The following VIL1 variants were observed in gnomAD, a reference collection of about 807,000 sequenced individuals.
The protein encoded by VIL1 is villin-1.
A neutral mutation model predicts 104.0 loss-of-function variants in VIL1; 86 were observed. The ratio of observed to expected loss-of-function variants is 0.83; its 90% CI spans 0.69 to 0.99. VIL1 has a LOEUF of 0.99. VIL1 is among the 50% of genes least tolerant of loss of function. The probability of loss-of-function intolerance (pLI) is 0.00; values close to 1 mark genes in which losing one functional copy is unlikely to be tolerated. For missense variants in VIL1, 944 were observed against 1,054.1 expected, an observed-to-expected ratio of 0.90 and a Z score of 1.45; for synonymous variants, 394 against 412.6, an observed-to-expected ratio of 0.95 and a Z score of 0.55.
intron 19 of VIL1, among the ~76,000 whole-genome samples, chr2:218,448,718 G>T (rs1230638281): frequency 6.6e-6 from 1 of 151,426 alleles, no homozygotes; most frequent in Non-Finnish European, 1.5e-5. Context: ...AAAATTCAGG[G>T]ATCAGGCCAG....
In VIL1 at chr2:218,432,942, G is replaced by T. The variant is rs1419226342; in HGVS notation, c.1491G>T (p.Val497=). The change falls in exon 13 of 20, where the codon GTG becomes GTT. Residue 497 remains valine, a synonymous_variant. Transcript: ENST00000248444. ...HLMSIFKGRM[V]VYQGGTSRTN... Reference sequence around the variant, plus strand: ...TGTCCATCTTCAAGGGACGCATGGTGGTCTACCAGGTGTGGCTGCTGAACT... The same window carrying T: ...TGTCCATCTTCAAGGGACGCATGGTTGTCTACCAGGTGTGGCTGCTGAACT... 6.2e-7 allele frequency: 1 copy of T among 1,614,178 alleles called. No individual in the cohort carries two copies. Among genetic ancestry groups the T allele is most frequent in the Non-Finnish European group, 8.5e-7 (1 of 1,180,038 alleles).
rs970239135 is a variant in VIL1 at position 218,449,213 on chromosome 2, C to G, written c.2371-10C>G. Reference sequence around the variant, plus strand: ...GTGACCTTTGCCCTCTGGTCCCTCTCTTCTTCTAGGAACACCTGTCCATTG... The same window carrying G: ...GTGACCTTTGCCCTCTGGTCCCTCTGTTCTTCTAGGAACACCTGTCCATTG... On this transcript the variant is annotated splice_polypyrimidine_tract_variant and intron_variant, in intron 19 of 19. Transcript: ENST00000248444. The G allele has an allele frequency of 6.2e-7, 1 of 1,608,704 alleles. No individual in the cohort carries two copies. Among genetic ancestry groups the G allele is most frequent in the Non-Finnish European group, 8.5e-7 (1 of 1,175,164 alleles).
Position 218,436,631 on chromosome 2 carries a change from G to A in VIL1, c.1971+5G>A, listed in dbSNP as rs774856918. 6.2e-7 allele frequency: 1 copy of A among 1,613,150 alleles called. No individual in the cohort carries two copies. Among genetic ancestry groups the A allele is most frequent in the Non-Finnish European group, 8.5e-7 (1 of 1,179,596 alleles). On this transcript the variant is annotated splice_donor_5th_base_variant and intron_variant, in intron 16 of 19. Transcript: ENST00000248444. ...CTACTAGATGTCTGGGACCAGGTAG[G>A]ACCAAGGGCCTGGGGACCCCTCTTC...
At chr2:218,441,671 T>A (rs1234363836) in intron 19 of VIL1, among the ~76,000 whole-genome samples, 1 of 151,850 alleles carries the variant, frequency 6.6e-6, no homozygotes, top group African/African-American at 2.4e-5. Flanking sequence ...GGGAGTATCA[T>A]TATGGTTGAA....
In VIL1 at chr2:218,436,608, A is replaced by G. The variant is rs1236224230; in HGVS notation, c.1953A>G (p.Leu651=). The change falls in exon 16 of 20, where the codon CTA becomes CTG. Residue 651 remains leucine (L), a synonymous_variant. Transcript: ENST00000248444. The part of the protein sequence containing the change: ...QDDLEEDDVF[L]LDVWDQVFFW... The stretch of plus-strand genomic sequence containing the variant: ...ACTTGGAAGAGGATGATGTGTTCCT[A>G]CTAGATGTCTGGGACCAGGTAGGAC... 1.9e-6 allele frequency: 3 copies of G among 1,613,890 alleles called. No individual in the cohort carries two copies. Among genetic ancestry groups the G allele is most frequent in the Non-Finnish European group, 2.5e-6 (3 of 1,179,994 alleles).
At chr2:218,449,148 A>G (rs1472198005) in intron 19 of VIL1, 75 bp from the exon 20 acceptor site, 1 of 1,055,628 alleles carries the variant, frequency 9.5e-7, no homozygotes, top group Non-Finnish European at 1.5e-6. Context: ...GACTCATCAG[A>G]GCAAACGGTG....
Position 218,449,368 on chromosome 2 carries a change from T to C in VIL1, c.*32T>C. 6.5e-7 allele frequency: 1 copy of C among 1,532,872 alleles called. No homozygotes were observed. Among genetic ancestry groups the C allele is most frequent in the Non-Finnish European group, 9.0e-7 (1 of 1,106,710 alleles). 95.0% of individuals were successfully genotyped at this position (1,532,872 alleles called of 1,614,324 possible). A position where few individuals can be genotyped will look rare whatever the true frequency, so the allele number is the denominator to read the frequency against. ...TAGCTGTGGTTGTAAAGCAGTACCC[T>C]ACCCTGATTGTAGGGTCTCATTTTC... On this transcript the variant is annotated 3_prime_UTR_variant, in exon 20 of 20. Coordinates refer to ENST00000248444, the MANE Select transcript of VIL1 (RefSeq NM_007127.3).
intron 1 of VIL1, among the ~76,000 whole-genome samples, chr2:218,420,928 G>A (rs1254791995): frequency 6.6e-6 from 1 of 152,126 alleles, no homozygotes; most frequent in African/African-American, 2.4e-5. Context: ...GGAGCTGGGG[G>A]CTGCAAAGAC....
chr2:218,423,679 C>G (rs1047388327), intron 1 of VIL1, 89 bp from the exon 2 acceptor site: 14 of 1,354,578 alleles, frequency 1.0e-5, no homozygotes, highest in South Asian at 7.3e-5. Flanking sequence ...CCTGCGACCT[C>G]CTGGCACTGT....
At position 218,449,219 on chromosome 2, in the gene VIL1, C is replaced by G. The variant is rs545253242; in HGVS notation, c.2371-4C>G. The G allele has an allele frequency of 6.2e-7, 1 of 1,611,992 alleles. No homozygotes were observed. Among genetic ancestry groups the G allele is most frequent in the Non-Finnish European group, 8.5e-7 (1 of 1,178,162 alleles). ...TTTGCCCTCTGGTCCCTCTCTTCTTCTAGGAACACCTGTCCATTGAAGATT... is the reference window on the plus strand; with the variant it reads ...TTTGCCCTCTGGTCCCTCTCTTCTTGTAGGAACACCTGTCCATTGAAGATT... On this transcript the variant is annotated splice_polypyrimidine_tract_variant and splice_region_variant and intron_variant, in intron 19 of 19. Coordinates refer to ENST00000248444, the MANE Select transcript of VIL1 (RefSeq NM_007127.3).
rs1233165222 is a variant in VIL1, at chr2:218,429,855, T to TA, written c.857dup (p.Tyr286Ter). Residue 286 changes from tyrosine to a stop codon, truncating the protein, a stop_gained and frameshift_variant, in exon 9 of 20, where the codon TAC becomes TAAC. Coordinates refer to ENST00000248444, the MANE Select transcript of VIL1 (RefSeq NM_007127.3). LOFTEE classifies it high-confidence loss of function. ...TQDLLSHEDC[Y>*]ILDQGGLKIY... is the part of the protein sequence containing the mutation. ...TTACCTCTCCCGACTCTAGGACTGT[T>TA]ACATCCTGGACCAGGGGGGCCTGAA... 1 of 1,612,810 alleles carries TA rather than the reference T, an allele frequency of 6.2e-7. No homozygotes were observed. Among genetic ancestry groups the TA allele is most frequent in the African/African-American group, 1.3e-5 (1 of 74,440 alleles).
At chr2:218,436,987 T>G in intron 16 of VIL1, 137 bp from the exon 17 acceptor site, 13 of 1,035,458 alleles carry the variant, frequency 1.3e-5, no homozygotes, top group Non-Finnish European at 1.9e-5. Flanking sequence ...GGCCAGATGA[T>G]GCCTGCCCTA....
intron 1 of VIL1, 46 bp from the exon 2 acceptor site, chr2:218,423,722 G>T: frequency 6.3e-7 from 1 of 1,593,544 alleles, no homozygotes; most frequent in South Asian, 1.1e-5. Context: ...TGGAAGGGCA[G>T]CATCCGAACT....
intron 16 of VIL1, 101 bp downstream of exon 16, chr2:218,436,727 C>A: frequency 1.4e-6 from 2 of 1,418,126 alleles, no homozygotes; most frequent in Non-Finnish European, 9.6e-7. Context: ...GTTTTCTTGG[C>A]CCTTACATAA....
At chr2:218,449,179 G>A (rs1689423222) in intron 19 of VIL1, 44 bp from the exon 20 acceptor site, 1 of 1,439,496 alleles carries the variant, frequency 6.9e-7, no homozygotes, top group Non-Finnish European at 9.8e-7. Flanking sequence ...AGGGAGGAAG[G>A]AAGGATATGT....
At chr2:218,425,486 C>T (rs936432909) in intron 3 of VIL1, 129 bp from the exon 4 acceptor site, 1 of 855,410 alleles carries the variant, frequency 1.2e-6, no homozygotes, top group Admixed American at 2.6e-5. Flanking sequence ...TCCTAACCGC[C>T]AGCCTAGTGC....
intron 1 of VIL1, among the ~76,000 whole-genome samples, chr2:218,419,561 G>A (rs1574809840): frequency 6.6e-6 from 1 of 152,176 alleles, no homozygotes; most frequent in African/African-American, 2.4e-5. Flanking sequence ...TTGCCCGTGC[G>A]TTCTTCATCT....
intron 1 of VIL1, among the ~76,000 whole-genome samples, chr2:218,420,385 C>T (rs1285487599): frequency 7.7e-6 from 1 of 129,306 alleles, no homozygotes; most frequent in African/African-American, 2.9e-5. Context: ...GCCAGAATTG[C>T]ACCATTGCAC....
chr2:218,422,639 G>A (rs1381053148), intron 1 of VIL1, among the ~76,000 whole-genome samples: 1 of 152,214 alleles, frequency 6.6e-6, no homozygotes, highest in Non-Finnish European at 1.5e-5. Flanking sequence ...GTACTAAAAG[G>A]CCAAGTCACT....
Sources: allele counts gnomAD v4.1 joint callset (sites outside exome capture counted in the v4.1 genomes callset), GRCh38; gene constraint gnomAD v4.1.1; transcripts MANE v1.5; gene names NCBI Gene and HGNC (gene_info 2026-07-23, HGNC 2026-07-21).